CDH13: variants seen among roughly 807,000 people sequenced by gnomAD.
CDH13 encodes cadherin 13.
In CDH13, 24 loss-of-function variants were observed where a neutral mutation model predicts 63.8. That is an observed-to-expected ratio of 0.38 (90% CI 0.27 to 0.53). CDH13 has a LOEUF of 0.53. Among genes scored for constraint, CDH13 ranks in the 20% least tolerant of loss-of-function variants. CDH13 has a pLI of 0.85. For synonymous variants in CDH13, 503 were observed against 355.3 expected, an observed-to-expected ratio of 1.42 and a Z score of -4.67; for missense variants, 1,049 against 903.1, an observed-to-expected ratio of 1.16 and a Z score of -2.07.
intron 5 of CDH13, among the ~76,000 whole-genome samples, chr16:83,301,484 A>T (rs1019136142): frequency 3.3e-5 from 5 of 151,962 alleles, no homozygotes; most frequent in Non-Finnish European, 5.9e-5. Flanking sequence ...TCTCTCCGTG[A>T]TGCTGCCACA....
intron 2 of CDH13, among the ~76,000 whole-genome samples, chr16:82,911,002 G>T (rs894910001): frequency 1.3e-5 from 2 of 152,160 alleles, no homozygotes; most frequent in Non-Finnish European, 1.5e-5. Flanking sequence ...TGATGCTGAG[G>T]TTGGTGTACA....
chr16:83,382,459 A>G (rs900511250), intron 6 of CDH13, among the ~76,000 whole-genome samples: 1 of 152,050 alleles, frequency 6.6e-6, no homozygotes, highest in African/African-American at 2.4e-5. Context: ...AGCTATTCAC[A>G]TTTCACTGCG....
At chr16:83,083,788 C>T (rs1318509065) in intron 3 of CDH13, among the ~76,000 whole-genome samples, 1 of 152,150 alleles carries the variant, frequency 6.6e-6, no homozygotes, top group Non-Finnish European at 1.5e-5. Flanking sequence ...TTTAACATAC[C>T]TAATATTAAC....
At chr16:83,751,553 C>G (rs548382697) in intron 11 of CDH13, among the ~76,000 whole-genome samples, 33 of 152,252 alleles carry the variant, frequency 2.2e-4, no homozygotes, top group African/African-American at 7.9e-4. Flanking sequence ...CGCAGAAATA[C>G]AGGTAAGAGA....
intron 2 of CDH13, among the ~76,000 whole-genome samples, chr16:82,866,075 C>G (rs577282614): frequency 6.6e-6 from 1 of 152,304 alleles, no homozygotes; most frequent in East Asian, 1.9e-4. Context: ...TAAAGTACAG[C>G]AGGAATTACC....
At chr16:83,022,486 C>G (rs1160286260) in intron 2 of CDH13, among the ~76,000 whole-genome samples, 3 of 152,178 alleles carry the variant, frequency 2.0e-5, no homozygotes, top group African/African-American at 4.8e-5. Flanking sequence ...ACATTGGTAC[C>G]TTGAAATAAA....
In CDH13 at chr16:83,451,495, C is replaced by G. The variant is rs181096470; in HGVS notation, c.782-34982C>G. Among the ~76,000 whole-genome samples the G allele has an allele frequency of 3.3e-3, 497 of 152,248 alleles. 6 individuals carry two copies. Among genetic ancestry groups the G allele is most frequent in the African/African-American group, 0.012 (482 of 41,550 alleles). On this transcript the variant is annotated intron_variant, in intron 6 of 13. Transcript: ENST00000567109. ...AGATTTGGGTGGGGACACAGCCAAA[C>G]CATACCACTCTTTTTTTCTTTTGTT...
intron 6 of CDH13, among the ~76,000 whole-genome samples, chr16:83,362,974 T>A (rs2091190982): frequency 1.3e-5 from 2 of 152,202 alleles, no homozygotes; most frequent in African/African-American, 4.8e-5. Flanking sequence ...GGTTTTTCCT[T>A]ACAGCATGAG....
At chr16:83,031,408 A>G in intron 2 of CDH13, among the ~76,000 whole-genome samples, 1 of 147,868 alleles carries the variant, frequency 6.8e-6, no homozygotes, top group East Asian at 2.0e-4. Context: ...ATACATGTAT[A>G]TGTATACACG....
intron 8 of CDH13, among the ~76,000 whole-genome samples, chr16:83,646,712 A>AAAAAAACACACAC (rs1168012793): frequency 3.1e-4 from 25 of 80,522 alleles, no homozygotes; most frequent in African/African-American, 5.9e-4. Context: ...AAAAAAAAAA[A>AAAAAAACACACAC]ACACACACAC....
chr16:82,871,555 C>G (rs989917218), intron 2 of CDH13, among the ~76,000 whole-genome samples: 2 of 152,206 alleles, frequency 1.3e-5, no homozygotes, highest in African/African-American at 4.8e-5. Context: ...CCAGCTCTAA[C>G]TTTGACTTGC....
intron 5 of CDH13, among the ~76,000 whole-genome samples, chr16:83,302,119 G>A (rs2089762899): frequency 6.6e-6 from 1 of 152,158 alleles, no homozygotes; most frequent in African/African-American, 2.4e-5. Context: ...AACACACAGA[G>A]AATGCTTAAC....
chr16:83,788,679 C>G (rs932735722), intron 13 of CDH13, among the ~76,000 whole-genome samples: 1 of 152,170 alleles, frequency 6.6e-6, no homozygotes, highest in Non-Finnish European at 1.5e-5. Context: ...AATTGCTTCA[C>G]AGTTGGTATC....
At chr16:82,769,931 G>C (rs565383034) in intron 1 of CDH13, among the ~76,000 whole-genome samples, 1 of 152,334 alleles carries the variant, frequency 6.6e-6, no homozygotes, top group East Asian at 1.9e-4. Context: ...TGAATGCATG[G>C]TGCATACGGC....
intron 1 of CDH13, among the ~76,000 whole-genome samples, chr16:82,794,045 A>G (rs2036453407): frequency 1.3e-5 from 2 of 152,232 alleles, no homozygotes; most frequent in South Asian, 2.1e-4. Flanking sequence ...GAACTGGGGT[A>G]TAACCAAGCT....
At chr16:82,697,494 A>G (rs573723858) in intron 1 of CDH13, among the ~76,000 whole-genome samples, 20 of 124,432 alleles carry the variant, frequency 1.6e-4, no homozygotes, top group African/African-American at 6.2e-4. Context: ...CAGTGGCGTG[A>G]TCTCGACTCA....
intron 4 of CDH13, among the ~76,000 whole-genome samples, chr16:83,183,549 A>G (rs969017245): frequency 1.3e-5 from 2 of 152,150 alleles, no homozygotes; most frequent in African/African-American, 4.8e-5. Context: ...ATTAAACTCA[A>G]TTTTTCTTCA....
intron 3 of CDH13, among the ~76,000 whole-genome samples, chr16:83,043,650 G>A (rs1016882352): frequency 6.6e-5 from 10 of 151,768 alleles, no homozygotes; most frequent in Non-Finnish European, 1.2e-4. Flanking sequence ...CTTGAGGCCC[G>A]GAGTTTGAGA....
chr16:82,851,082 A>G lies in CDH13; in HGVS notation c.46-7280A>G, dbSNP rs117769314. Among the ~76,000 whole-genome samples the G allele has an allele frequency of 5.5e-3, 832 of 152,282 alleles. 2 individuals carry two copies. The highest frequency in any genetic ancestry group is 0.017 in the Middle Eastern group (5 of 294). On this transcript the variant is annotated intron_variant, in intron 1 of 13. Transcript: ENST00000567109. ...CTTCCCTGTTTACAGTTTGAGGAGAATATGTTGGGTAGCATCTTTTAGAAA... is the reference window on the plus strand; with the variant it reads ...CTTCCCTGTTTACAGTTTGAGGAGAGTATGTTGGGTAGCATCTTTTAGAAA...
Sources: allele counts gnomAD v4.1 joint callset (sites outside exome capture counted in the v4.1 genomes callset), GRCh38; gene constraint gnomAD v4.1.1; transcripts MANE v1.5; gene names NCBI Gene and HGNC (gene_info 2026-07-23, HGNC 2026-07-21).